MCC: variants seen among roughly 807,000 people sequenced by gnomAD.
The protein encoded by MCC is MCC regulator of Wnt signaling pathway, also known as colorectal mutant cancer protein.
Under a neutral mutation model 116.2 loss-of-function variants are expected in MCC, and 90 were observed. The observed-to-expected ratio is 0.77, with a 90% CI of 0.65 to 0.92. The LOEUF (loss-of-function observed/expected upper bound fraction) is 0.92. MCC is among the 40% of genes least tolerant of loss of function. The probability of loss-of-function intolerance (pLI) is 0.00; values close to 1 mark genes in which losing one functional copy is unlikely to be tolerated. For synonymous variants in MCC, 578 were observed against 510.5 expected (o/e 1.13, Z -1.78); for missense variants, 1,516 against 1,312.2 (o/e 1.16, Z -2.40).
intron 17 of MCC, among the ~76,000 whole-genome samples, chr5:113,038,686 G>T (rs771014444): frequency 6.6e-6 from 1 of 152,026 alleles, no homozygotes; most frequent in African/African-American, 2.4e-5. Context: ...CTCACGGCAG[G>T]TGTGATCGAT....
chr5:113,230,900 T>C (rs1260200410), intron 3 of MCC, among the ~76,000 whole-genome samples: 1 of 152,202 alleles, frequency 6.6e-6, no homozygotes, highest in African/African-American at 2.4e-5. Flanking sequence ...ATCTCAATTC[T>C]TATTATCATG....
chr5:113,150,637 G>GA (rs959657788), intron 4 of MCC, among the ~76,000 whole-genome samples: 3 of 151,384 alleles, frequency 2.0e-5, no homozygotes, highest in East Asian at 1.9e-4. Context: ...AAAAGGAAAA[G>GA]AAAAAATTAA....
At chr5:113,417,286 C>A (rs2150405520) in intron 1 of MCC, among the ~76,000 whole-genome samples, 1 of 152,288 alleles carries the variant, frequency 6.6e-6, no homozygotes, top group Non-Finnish European at 1.5e-5. Context: ...CTTTTTTATG[C>A]TCCTGCCTAA....
chr5:113,356,087 G>C (rs1768405134), intron 2 of MCC, among the ~76,000 whole-genome samples: 1 of 146,264 alleles, frequency 6.8e-6, no homozygotes, highest in Non-Finnish European at 1.5e-5. Context: ...TTTAGAGACA[G>C]GGTCTTGTTC....
intron 6 of MCC, among the ~76,000 whole-genome samples, chr5:113,107,634 G>C (rs796107024): frequency 1.3e-5 from 2 of 152,174 alleles, no homozygotes; most frequent in African/African-American, 4.8e-5. Flanking sequence ...GTACCCTCTG[G>C]TGCAGGTCTC....
chr5:113,118,436 T>C (rs1757520758), intron 6 of MCC, among the ~76,000 whole-genome samples: 1 of 152,188 alleles, frequency 6.6e-6, no homozygotes, highest in African/African-American at 2.4e-5. Context: ...CAAAGCACTT[T>C]TTAATTGGAT....
chr5:113,290,212 T>C (rs1332793518), intron 3 of MCC, among the ~76,000 whole-genome samples: 1 of 152,356 alleles, frequency 6.6e-6, no homozygotes, highest in East Asian at 1.9e-4. Flanking sequence ...GTTGCCTCTA[T>C]GGCCTAATTC....
intron 1 of MCC, among the ~76,000 whole-genome samples, chr5:113,388,775 G>A (rs563499135): frequency 6.6e-6 from 1 of 152,230 alleles, no homozygotes; most frequent in African/African-American, 2.4e-5. Flanking sequence ...TTACAGCCAC[G>A]CAAGAATAGA....
chr5:113,199,159 G>A (rs1016357696), intron 3 of MCC, among the ~76,000 whole-genome samples: 9 of 151,912 alleles, frequency 5.9e-5, no homozygotes, highest in Non-Finnish European at 1.3e-4. Context: ...GTGACAGAGC[G>A]AGACTCCGTC....
chr5:113,302,133 A>G (rs1324028349), intron 3 of MCC, among the ~76,000 whole-genome samples: 1 of 152,268 alleles, frequency 6.6e-6, no homozygotes, highest in African/African-American at 2.4e-5. Context: ...AAGTATTAGC[A>G]TAATGGCTAC....
At chr5:113,196,397 C>T (rs907563282) in intron 3 of MCC, among the ~76,000 whole-genome samples, 2 of 152,180 alleles carry the variant, frequency 1.3e-5, no homozygotes, top group African/African-American at 2.4e-5. Flanking sequence ...GGTCATGTCT[C>T]ATTTACTACC....
intron 6 of MCC, among the ~76,000 whole-genome samples, chr5:113,112,663 G>A (rs1173325516): frequency 6.6e-6 from 1 of 152,142 alleles, no homozygotes; most frequent in Non-Finnish European, 1.5e-5. Flanking sequence ...CCAGCCCTTT[G>A]GCACTCAGCC....
At chr5:113,037,409 A>G (rs186887891) in intron 17 of MCC, among the ~76,000 whole-genome samples, 2 of 152,296 alleles carry the variant, frequency 1.3e-5, no homozygotes, top group African/African-American at 4.8e-5. Flanking sequence ...AAGAGTAGTC[A>G]GGGCCGGGCA....
chr5:113,361,523 A>G (rs1020189291), intron 2 of MCC, among the ~76,000 whole-genome samples: 17 of 152,198 alleles, frequency 1.1e-4, no homozygotes, highest in Non-Finnish European at 2.5e-4. Flanking sequence ...TTGAATTTTC[A>G]TAATTTCATC....
intron 11 of MCC, among the ~76,000 whole-genome samples, chr5:113,082,096 T>G (rs1462234258): frequency 1.3e-5 from 2 of 152,250 alleles, no homozygotes; most frequent in Non-Finnish European, 2.9e-5. Context: ...CTCCTTTGCT[T>G]TGTTAGCAAC....
At chr5:113,225,459 AACTTTCTCTGGGCCTCCCG>A (rs1763698286) in intron 3 of MCC, among the ~76,000 whole-genome samples, 1 of 152,124 alleles carries the variant, frequency 6.6e-6, no homozygotes, top group Admixed American at 6.5e-5. Context: ...ACTCTTACTA[AACTTTCTCTGGGCCTCCCG>A]AGTTACCTTC....
Position 113,101,893 on chromosome 5 carries a change from G to A in MCC, c.1244C>T (p.Ala415Val). 6.2e-7 allele frequency: 1 copy of A among 1,613,796 alleles called. No homozygotes were observed. The highest frequency in any genetic ancestry group is 8.5e-7 in the Non-Finnish European group (1 of 1,180,010). ...VLGRDLYPNL[A>V]EERSRWEKEL... ...CTTCTCCCACCGAGACCTCTCTTCA[G>A]CCAGGTTGGGATACAGGTCCCGGCC... The change falls in exon 8 of 19, where the codon GCT becomes GTT. Residue 415 changes from alanine (A) to valine (V), a missense_variant. Physicochemically the swap from Ala to Val is moderately conservative, Grantham distance 64. Coordinates refer to ENST00000408903, the MANE Select transcript of MCC (RefSeq NM_001085377.2).
intron 2 of MCC, among the ~76,000 whole-genome samples, chr5:113,350,110 A>G (rs1344433316): frequency 6.6e-6 from 1 of 152,176 alleles, no homozygotes; most frequent in Non-Finnish European, 1.5e-5. Flanking sequence ...TAAACTGTCC[A>G]TACTACCCAA....
In MCC at chr5:113,132,536, G is replaced by A. The variant is rs115806798; in HGVS notation, c.885-9710C>T. Among the ~76,000 whole-genome samples the A allele has an allele frequency of 6.0e-3, 903 of 151,082 alleles. 12 individuals are homozygous for A. Among genetic ancestry groups the A allele is most frequent in the African/African-American group, 0.021 (875 of 40,952 alleles). On this transcript the variant is annotated intron_variant, in intron 5 of 18. Transcript: ENST00000408903. ...CAGCCTAGCCATCTTTTCTGCAACT[G>A]GTCATGAGGCTATAGCTGATATTTA...
Sources: gnomAD v4.1 joint callset for allele counts (sites outside exome capture counted in the v4.1 genomes callset) on GRCh38, gnomAD v4.1.1 for gene constraint, MANE v1.5 for transcripts, NCBI Gene and HGNC (gene_info 2026-07-23, HGNC 2026-07-21) for gene names.